DRD2: variants seen among roughly 807,000 people sequenced by gnomAD.
DRD2 encodes the protein dopamine receptor D2, also known as D(2) dopamine receptor.
Under a neutral mutation model 38.0 loss-of-function variants are expected in DRD2, and 8 were observed. The ratio of observed to expected loss-of-function variants is 0.21; its 90% CI spans 0.12 to 0.38. The LOEUF is 0.38. DRD2 is among the 10% of genes least tolerant of loss of function. DRD2 has a pLI of 1.00. For synonymous variants in DRD2, 230 were observed against 238.6 expected (o/e 0.96, Z 0.33); for missense variants, 403 against 607.7 (o/e 0.66, Z 3.54).
intron 5 of DRD2, among the ~76,000 whole-genome samples, chr11:113,414,928 G>C (rs540491829): frequency 4.6e-5 from 7 of 152,300 alleles, no homozygotes; most frequent in Admixed American, 2.0e-4. Context: ...TCCTTGTGAA[G>C]GACTGAGTGA....
At chr11:113,463,312 A>C (rs1951339745) in intron 1 of DRD2, among the ~76,000 whole-genome samples, 1 of 152,238 alleles carries the variant, frequency 6.6e-6, no homozygotes, top group South Asian at 2.1e-4. Flanking sequence ...GGCTACCTGC[A>C]GCCACAGTGT....
intron 3 of DRD2, 76 bp from the exon 4 acceptor site, chr11:113,417,075 A>G: frequency 6.4e-7 from 1 of 1,568,034 alleles, no homozygotes; most frequent in Non-Finnish European, 8.7e-7. Context: ...CACACCAGAG[A>G]CACCCTCACT....
intron 7 of DRD2, among the ~76,000 whole-genome samples, chr11:113,412,314 T>C (rs1375404928): frequency 6.6e-6 from 1 of 152,196 alleles, no homozygotes; most frequent in East Asian, 1.9e-4. Context: ...TCAGACTGCC[T>C]GAGTTCAAAC....
intron 1 of DRD2, among the ~76,000 whole-genome samples, chr11:113,461,541 TC>T (rs1397838043): frequency 6.6e-6 from 1 of 151,994 alleles, no homozygotes; most frequent in African/African-American, 2.4e-5. Flanking sequence ...AGATGAGGGA[TC>T]CCCCAAGGCA....
chr11:113,470,094 C>T (rs1951408987), intron 1 of DRD2, among the ~76,000 whole-genome samples: 1 of 152,136 alleles, frequency 6.6e-6, no homozygotes, highest in Non-Finnish European at 1.5e-5. Flanking sequence ...GCCACTTTCC[C>T]ATATCAAGAG....
intron 1 of DRD2, among the ~76,000 whole-genome samples, chr11:113,451,021 G>A (rs1286896218): frequency 1.3e-5 from 2 of 152,202 alleles, no homozygotes; most frequent in African/African-American, 4.8e-5. Flanking sequence ...GGCAATCAAT[G>A]GAGATTTAGC....
At position 113,412,834 on chromosome 11, in the gene DRD2, G is replaced by T; in HGVS notation, c.860C>A (p.Thr287Asn). ...QELEMEMLSS[T>N]SPPERTRYSP... ...GTACCGGGTCCTCTCGGGTGGGCTG[G>T]TGCTGGAGAGCATCTCCATCTCCAG... The change falls in exon 7 of 8, where the codon ACC (threonine) becomes AAC (asparagine). Residue 287 changes from threonine to asparagine, a missense_variant. Physicochemically the swap from Thr to Asn is moderately conservative, Grantham distance 65. Coordinates refer to ENST00000362072, the MANE Select transcript of DRD2 (RefSeq NM_000795.4). The T allele has an allele frequency of 1.2e-6, 2 of 1,613,224 alleles. No homozygotes were observed. The highest frequency in any genetic ancestry group is 2.2e-5 in the South Asian group (2 of 91,040).
Position 113,412,958 on chromosome 11 carries a change from T to A in DRD2, c.811-75A>T, listed in dbSNP as rs1076561. On this transcript the variant is annotated intron_variant, in intron 6 of 7. Transcript: ENST00000362072. ...ATCAGCCACCCATCTCACTGGCCCC[T>A]CCCTTTCCCCCTCTGAAGACTCCTG... 3.0e-3 allele frequency: 4,512 copies of A among 1,486,292 alleles called. 131 individuals are homozygous for A. In the African/African-American group the frequency reaches 0.055, roughly 18 times the overall value. 92.1% of individuals were successfully genotyped at this position (1,486,292 alleles called of 1,614,324 possible). A position where few individuals can be genotyped will look rare whatever the true frequency, so the allele number is the denominator to read the frequency against.
intron 2 of DRD2, among the ~76,000 whole-genome samples, chr11:113,424,158 G>C (rs1950913321): frequency 6.6e-6 from 1 of 152,218 alleles, no homozygotes; most frequent in South Asian, 2.1e-4. Context: ...CCAGCACTTA[G>C]TAAGCACTTT....
chr11:113,420,959 C>G (rs1950879020), intron 2 of DRD2, among the ~76,000 whole-genome samples: 1 of 152,138 alleles, frequency 6.6e-6, no homozygotes, highest in South Asian at 2.1e-4. Flanking sequence ...AGTACAGGCC[C>G]TGAGCTGGCT....
intron 1 of DRD2, among the ~76,000 whole-genome samples, chr11:113,451,690 A>T (rs1051244804): frequency 5.3e-5 from 8 of 152,126 alleles, no homozygotes; most frequent in Non-Finnish European, 8.8e-5. Context: ...GGGTTTTACC[A>T]TGTCGGCCAG....
intron 2 of DRD2, among the ~76,000 whole-genome samples, chr11:113,422,982 A>G (rs1157177986): frequency 6.6e-6 from 1 of 152,162 alleles, no homozygotes. Flanking sequence ...TGGGCAGAGC[A>G]CCGGCACTTT....
Position 113,418,034 on chromosome 11 carries a change from T to G in DRD2, c.388A>C (p.Ile130Leu). Residue 130 changes from isoleucine to leucine, a missense_variant, in exon 3 of 8, where the codon ATC becomes CTC. Physicochemically the swap from Ile to Leu is conservative, Grantham distance 5. Around this residue, in one of 4 missense-constraint regions of DRD2, gnomAD observed 162 missense variants for 254.5 expected, o/e 0.64. Transcript: ENST00000362072. ...ASILNLCAIS[I>L]DRYTAVAMPM... ...CACCCTGGCTGGGCTCACCTGTCGA[T>G]GCTGATGGCACACAAGTTCAGGATG... 6.2e-7 allele frequency: 1 copy of G among 1,614,164 alleles called. No individual in the cohort carries two copies. Among genetic ancestry groups the G allele is most frequent in the South Asian group, 1.1e-5 (1 of 91,082 alleles).
At chr11:113,452,469 T>TGTGTGTGTGTGTGTGTGCGC (rs1210531875) in intron 1 of DRD2, among the ~76,000 whole-genome samples, 3 of 118,784 alleles carry the variant, frequency 2.5e-5, no homozygotes, top group African/African-American at 7.2e-5. Flanking sequence ...TGTGTGTGTG[T>TGTGTGTGTGTGTGTGTGCGC]GCGCGCGCGC....
intron 1 of DRD2, among the ~76,000 whole-genome samples, chr11:113,472,264 G>A (rs1483487197): frequency 6.6e-6 from 1 of 152,122 alleles, no homozygotes; most frequent in Non-Finnish European, 1.5e-5. Flanking sequence ...TTACTTGCAG[G>A]GGAGATGGAA....
intron 1 of DRD2, among the ~76,000 whole-genome samples, chr11:113,460,037 A>G (rs1210746034): frequency 6.6e-6 from 1 of 152,232 alleles, no homozygotes; most frequent in Middle Eastern, 3.2e-3. Context: ...TTCCAGCTCT[A>G]CTTTGCATTT....
At chr11:113,462,362 C>T (rs1310353680) in intron 1 of DRD2, among the ~76,000 whole-genome samples, 1 of 152,138 alleles carries the variant, frequency 6.6e-6, no homozygotes, top group African/African-American at 2.4e-5. Context: ...GTGGTCTTTG[C>T]AGACATTATT....
At position 113,417,291 on chromosome 11, in the gene DRD2, C is replaced by T. The variant is rs192557389; in HGVS notation, c.396-292G>A. 9.8e-4 allele frequency among the ~76,000 whole-genome samples: 149 copies of T among 152,316 alleles called. 5 individuals are homozygous for T. In the South Asian group the frequency reaches 0.028, roughly 29 times the overall value. On this transcript the variant is annotated intron_variant, in intron 3 of 7. Transcript: ENST00000362072. The stretch of plus-strand genomic sequence containing the variant: ...TTCAGGCTTTTCGAAGAACCATGGC[C>T]TGCATCTTTGCACTTTTGAAACTGT...
chr11:113,414,310 C>T, intron 6 of DRD2, 65 bp downstream of exon 6: 2 of 1,490,220 alleles, frequency 1.3e-6, no homozygotes, highest in Non-Finnish European at 1.9e-6. Context: ...GTCTCAGAAC[C>T]ATGGCCAGTG....
Sources: gnomAD v4.1 joint callset for allele counts (sites outside exome capture counted in the v4.1 genomes callset) on GRCh38, gnomAD v4.1.1 for gene constraint, gnomAD v4.1.1 regional missense constraint, MANE v1.5 for transcripts, NCBI Gene and HGNC (gene_info 2026-07-23, HGNC 2026-07-21) for gene names.